Variants in DLG2 observed in about 807,000 individuals in gnomAD.
DLG2 encodes the protein disks large homolog 2.
DLG2 carries 45 observed loss-of-function variants against 132.5 expected under a neutral mutation model. The ratio of observed to expected loss-of-function variants is 0.34; its 90% CI spans 0.27 to 0.44. The LOEUF (loss-of-function observed/expected upper bound fraction) is 0.44. Among genes scored for constraint, DLG2 ranks in the 20% least tolerant of loss-of-function variants. DLG2 has a pLI of 1.00. For synonymous variants in DLG2, 424 were observed against 419.6 expected, an observed-to-expected ratio of 1.01 and a Z score of -0.13; for missense variants, 1,045 against 1,196.9, an observed-to-expected ratio of 0.87 and a Z score of 1.87.
chr11:84,902,808 G>A (rs1345782497), intron 6 of DLG2, among the ~76,000 whole-genome samples: 1 of 152,150 alleles, frequency 6.6e-6, no homozygotes, highest in Non-Finnish European at 1.5e-5. Context: ...CTCTAGGATA[G>A]CTAACAACAC....
chr11:84,094,931 G>GT (rs931571532), intron 10 of DLG2, among the ~76,000 whole-genome samples: 59 of 151,894 alleles, frequency 3.9e-4, no homozygotes, highest in East Asian at 5.8e-4. Flanking sequence ...ATTTATAGGG[G>GT]TTTTTTTTAA....
chr11:84,081,558 G>C (rs962591614), intron 10 of DLG2, among the ~76,000 whole-genome samples: 1 of 152,150 alleles, frequency 6.6e-6, no homozygotes, highest in African/African-American at 2.4e-5. Context: ...TCCCTCCTAT[G>C]AGTGAGAACA....
chr11:84,004,486 A>C (rs946351581), intron 11 of DLG2, among the ~76,000 whole-genome samples: 3 of 152,134 alleles, frequency 2.0e-5, no homozygotes, highest in Non-Finnish European at 2.9e-5. Flanking sequence ...CATCATACTG[A>C]ATGGAGAAAA....
At chr11:83,991,120 GTAGT>G (rs1483172673) in intron 11 of DLG2, among the ~76,000 whole-genome samples, 1 of 152,190 alleles carries the variant, frequency 6.6e-6, no homozygotes, top group Non-Finnish European at 1.5e-5. Context: ...ATTTGAGAGA[GTAGT>G]TAATCACACT....
At chr11:83,478,584 G>A (rs1159769409) in intron 22 of DLG2, among the ~76,000 whole-genome samples, 1 of 151,870 alleles carries the variant, frequency 6.6e-6, no homozygotes, top group African/African-American at 2.4e-5. Flanking sequence ...ATAATTCTGG[G>A]AAAAATATTC....
rs59507021 is a variant in DLG2 at position 85,529,987 on chromosome 11, G to GTTTT, written c.40+68666_40+68669dup. Among the ~76,000 whole-genome samples the GTTTT allele has an allele frequency of 1.1e-3, 119 of 113,106 alleles. 1 individual carries two copies. Among genetic ancestry groups the GTTTT allele is most frequent in the African/African-American group, 2.2e-3 (66 of 30,212 alleles). The allele number at this position is 113,106 out of a possible 152,430, so 74.2% of individuals were successfully genotyped here. A position where few individuals can be genotyped will look rare whatever the true frequency, so the allele number is the denominator to read the frequency against. ...GGGTAGATCTGCCTAGAGAGGGTTT[G>GTTTT]TTTTTTTTTTTTTTTTTTTGAGGTG... On this transcript the variant is annotated intron_variant, in intron 3 of 27. Transcript: ENST00000376104.
intron 19 of DLG2, 120 bp from the exon 20 acceptor site, chr11:83,541,978 G>A (rs555057734): frequency 1.9e-5 from 17 of 906,646 alleles, no homozygotes; most frequent in Middle Eastern, 3.5e-4. Context: ...ATCAACTCCC[G>A]GAATGATTCC....
At chr11:84,064,407 A>G (rs970425088) in intron 10 of DLG2, among the ~76,000 whole-genome samples, 1 of 152,194 alleles carries the variant, frequency 6.6e-6, no homozygotes, top group African/African-American at 2.4e-5. Flanking sequence ...AGAACCTAAG[A>G]ACATGGCTTG....
At chr11:83,499,895 A>ATCTATCTATC (rs1555113454) in intron 21 of DLG2, among the ~76,000 whole-genome samples, 14 of 114,516 alleles carry the variant, frequency 1.2e-4, no homozygotes, top group African/African-American at 4.5e-4. Context: ...ATATATATAT[A>ATCTATCTATC]TATCAGTTCT....
chr11:83,942,261 T>C (rs1293665076), intron 14 of DLG2, among the ~76,000 whole-genome samples: 3 of 152,182 alleles, frequency 2.0e-5, no homozygotes, highest in African/African-American at 7.2e-5. Flanking sequence ...AATGTAGGCA[T>C]TAAAAACTTT....
chr11:83,668,867 A>ATATTTT lies in DLG2; in HGVS notation c.1826-35543_1826-35542insAAAATA, dbSNP rs768513119. Among the ~76,000 whole-genome samples, 564 of 110,384 alleles carry ATATTTT rather than the reference A, an allele frequency of 5.1e-3. 54 individuals are homozygous for ATATTTT. The highest frequency in any genetic ancestry group is 0.019 in the African/African-American group (532 of 28,180). The allele number at this position is 110,384 out of a possible 152,430, so 72.4% of individuals were successfully genotyped here. A position where few individuals can be genotyped will look rare whatever the true frequency, so the allele number is the denominator to read the frequency against. The stretch of plus-strand genomic sequence containing the variant: ...CACACACACATATATATATATATAT[A>ATATTTT]TTTTTTTTTTATGATAGACTATGAG... On this transcript the variant is annotated intron_variant, in intron 18 of 27. Transcript: ENST00000376104.
intron 7 of DLG2, among the ~76,000 whole-genome samples, chr11:84,252,133 T>G (rs1010530497): frequency 2.0e-5 from 3 of 146,580 alleles, no homozygotes; most frequent in African/African-American, 7.6e-5. Context: ...CTGTATTTTC[T>G]TTCTTTCTTT....
At chr11:85,359,661 T>C (rs2083993543) in intron 3 of DLG2, among the ~76,000 whole-genome samples, 1 of 152,140 alleles carries the variant, frequency 6.6e-6, no homozygotes, top group African/African-American at 2.4e-5. Flanking sequence ...GTAGTATAAT[T>C]AGAGAGCTGA....
chr11:84,820,437 TG>T (rs2077543123), intron 6 of DLG2, among the ~76,000 whole-genome samples: 1 of 151,898 alleles, frequency 6.6e-6, no homozygotes, highest in Non-Finnish European at 1.5e-5. Context: ...AATCACGCTT[TG>T]CCCCTCTTAG....
intron 3 of DLG2, among the ~76,000 whole-genome samples, chr11:85,314,158 C>T (rs990766384): frequency 3.3e-5 from 5 of 151,936 alleles, no homozygotes; most frequent in Admixed American, 2.0e-4. Flanking sequence ...TGCTAAGCAA[C>T]ATGACAGCTA....
chr11:85,168,408 A>C (rs2078612811), intron 4 of DLG2, among the ~76,000 whole-genome samples: 1 of 152,136 alleles, frequency 6.6e-6, no homozygotes, highest in African/African-American at 2.4e-5. Context: ...TTTCAATTTA[A>C]TTTTGAAGTA....
intron 19 of DLG2, among the ~76,000 whole-genome samples, chr11:83,630,511 T>C (rs2153454641): frequency 6.6e-6 from 1 of 152,254 alleles, no homozygotes; most frequent in South Asian, 2.1e-4. Flanking sequence ...ACCAAAGAAA[T>C]CCCACATTCC....
At chr11:85,381,586 C>T (rs1286552188) in intron 3 of DLG2, among the ~76,000 whole-genome samples, 4 of 151,294 alleles carry the variant, frequency 2.6e-5, no homozygotes, top group African/African-American at 7.3e-5. Flanking sequence ...GATATGATCT[C>T]GTATATAGAA....
At chr11:83,653,219 C>T (rs534900802) in intron 18 of DLG2, among the ~76,000 whole-genome samples, 4 of 152,200 alleles carry the variant, frequency 2.6e-5, no homozygotes, top group African/African-American at 9.7e-5. Flanking sequence ...TGCATCATAT[C>T]TAAATGTAAC....
Sources: allele counts gnomAD v4.1 joint callset (sites outside exome capture counted in the v4.1 genomes callset), GRCh38; gene constraint gnomAD v4.1.1; transcripts MANE v1.5; gene names NCBI Gene and HGNC (gene_info 2026-07-23, HGNC 2026-07-21).